KCNIP4: variants seen among roughly 807,000 people sequenced by gnomAD.
KCNIP4 encodes potassium voltage-gated channel interacting protein 4.
In KCNIP4, 12 loss-of-function variants were observed where a neutral mutation model predicts 34.0. That is an observed-to-expected ratio of 0.35 (90% CI 0.23 to 0.57). KCNIP4 has a LOEUF of 0.57. KCNIP4 is among the 20% of genes least tolerant of loss of function. KCNIP4 has a pLI of 0.83. For synonymous variants in KCNIP4, 124 were observed against 102.2 expected (o/e 1.21, Z -1.29); for missense variants, 238 against 311.7 (o/e 0.76, Z 1.78).
chr4:21,176,767 C>A lies in KCNIP4; in HGVS notation c.62-294058G>T, dbSNP rs370850121. ...AACTCCTGACCTTGGGTGACCCACC[C>A]ACCTCGGCCTCCCAAAGTGCTGGGA... On this transcript the variant is annotated intron_variant, in intron 1 of 8. Coordinates refer to ENST00000382152, the MANE Select transcript of KCNIP4 (RefSeq NM_025221.6). Among the ~76,000 whole-genome samples, 1,081 of 152,264 alleles carry A rather than the reference C, an allele frequency of 7.1e-3. 19 individuals carry two copies. The highest frequency in any genetic ancestry group is 0.025 in the African/African-American group (1,022 of 41,572).
intron 1 of KCNIP4, among the ~76,000 whole-genome samples, chr4:21,620,403 G>C (rs1349799270): frequency 6.6e-6 from 1 of 152,148 alleles, no homozygotes; most frequent in African/African-American, 2.4e-5. Context: ...TCAGGAGGCT[G>C]AGATGGAAGG....
intron 1 of KCNIP4, among the ~76,000 whole-genome samples, chr4:21,387,536 C>T (rs538198849): frequency 2.0e-5 from 3 of 152,214 alleles, no homozygotes; most frequent in African/African-American, 7.2e-5. Context: ...TTAAAGGGAA[C>T]AAGAATTAAA....
chr4:21,556,933 A>AAAAAAAAAAAAAAAAACAAC (rs1560514287), intron 1 of KCNIP4, among the ~76,000 whole-genome samples: 1 of 149,760 alleles, frequency 6.7e-6, no homozygotes, highest in Non-Finnish European at 1.5e-5. Flanking sequence ...AAAAAAAAAA[A>AAAAAAAAAAAAAAAAACAAC]AAAAAAAAAA....
chr4:21,542,657 G>A (rs945440083), intron 1 of KCNIP4, among the ~76,000 whole-genome samples: 6 of 150,942 alleles, frequency 4.0e-5, no homozygotes, highest in South Asian at 2.1e-4. Flanking sequence ...TACGAATTAC[G>A]TTGCATGAAG....
intron 1 of KCNIP4, among the ~76,000 whole-genome samples, chr4:21,563,831 T>C (rs358838): frequency 9.2e-5 from 14 of 152,054 alleles, no homozygotes; most frequent in African/African-American, 3.4e-4. Context: ...AAACATGTTT[T>C]AAGTAGGGGA....
At chr4:21,117,746 A>G (rs932808832) in intron 1 of KCNIP4, among the ~76,000 whole-genome samples, 18 of 152,012 alleles carry the variant, frequency 1.2e-4, no homozygotes, top group African/African-American at 3.6e-4. Flanking sequence ...ATGTCCTCCA[A>G]TTCCCTCAGC....
rs542710602 is a variant in KCNIP4 at position 21,133,546 on chromosome 4, G to A, written c.62-250837C>T. ...CTATTCTGCCCAGGCTCCAAGGTTAGGCAATTCAACTATCATCTCCCTGAA... is the reference window on the plus strand; with the variant it reads ...CTATTCTGCCCAGGCTCCAAGGTTAAGCAATTCAACTATCATCTCCCTGAA... On this transcript the variant is annotated intron_variant, in intron 1 of 8. Coordinates refer to ENST00000382152, the MANE Select transcript of KCNIP4 (RefSeq NM_025221.6). Among the ~76,000 whole-genome samples the A allele has an allele frequency of 6.6e-5, 10 of 152,202 alleles. 1 individual carries two copies. The highest frequency in any genetic ancestry group is 1.7e-4 in the African/African-American group (7 of 41,524).
intron 3 of KCNIP4, among the ~76,000 whole-genome samples, chr4:20,794,009 G>A (rs988634396): frequency 1.3e-5 from 2 of 152,146 alleles, no homozygotes; most frequent in African/African-American, 4.8e-5. Flanking sequence ...AGTCTCATGA[G>A]ATCTGATGGT....
At chr4:20,923,471 G>A (rs1025322755) in intron 1 of KCNIP4, among the ~76,000 whole-genome samples, 1 of 151,916 alleles carries the variant, frequency 6.6e-6, no homozygotes, top group African/African-American at 2.4e-5. Context: ...TTTCTTCATT[G>A]TACTCACCTA....
chr4:21,661,472 C>T (rs548980467), intron 1 of KCNIP4, among the ~76,000 whole-genome samples: 2 of 152,300 alleles, frequency 1.3e-5, no homozygotes, highest in African/African-American at 4.8e-5. Context: ...CCTGCACCTG[C>T]TCACTTGTGT....
intron 1 of KCNIP4, among the ~76,000 whole-genome samples, chr4:21,131,151 A>G (rs369903765): frequency 7.9e-4 from 120 of 152,298 alleles, no homozygotes; most frequent in African/African-American, 2.7e-3. Flanking sequence ...AGCAAAAGCA[A>G]TCATCAATGT....
rs184490486 is a variant in KCNIP4, at chr4:21,589,516, T to C, written c.61+359055A>G. On this transcript the variant is annotated intron_variant, in intron 1 of 8. Coordinates refer to ENST00000382152, the MANE Select transcript of KCNIP4 (RefSeq NM_025221.6). ...GGGGAAGCAAGAAATAAAATATTAATGCAAAAGGGTTGAATTGGATAAGCA... is the reference window on the plus strand; with the variant it reads ...GGGGAAGCAAGAAATAAAATATTAACGCAAAAGGGTTGAATTGGATAAGCA... Among the ~76,000 whole-genome samples, 699 of 151,400 alleles carry C rather than the reference T, an allele frequency of 4.6e-3. 3 individuals carry two copies. The highest frequency in any genetic ancestry group is 7.2e-3 in the Non-Finnish European group (486 of 67,706).
intron 1 of KCNIP4, among the ~76,000 whole-genome samples, chr4:21,361,854 TG>T (rs1327984222): frequency 5.3e-5 from 8 of 152,212 alleles, no homozygotes; most frequent in Admixed American, 2.0e-4. Context: ...AGTTCATATT[TG>T]TAACTAAAAT....
chr4:21,212,797 C>G (rs191555945), intron 1 of KCNIP4, among the ~76,000 whole-genome samples: 1 of 152,228 alleles, frequency 6.6e-6, no homozygotes, highest in South Asian at 2.1e-4. Flanking sequence ...CCCAAAGTCT[C>G]GACTCTTAAT....
intron 1 of KCNIP4, among the ~76,000 whole-genome samples, chr4:20,930,246 G>A (rs1730318347): frequency 6.6e-6 from 1 of 151,946 alleles, no homozygotes; most frequent in African/African-American, 2.4e-5. Context: ...GGTACCAACA[G>A]GACACCCTGA....
intron 1 of KCNIP4, among the ~76,000 whole-genome samples, chr4:21,009,909 G>A (rs1002811034): frequency 2.0e-5 from 3 of 152,112 alleles, no homozygotes; most frequent in Non-Finnish European, 4.4e-5. Flanking sequence ...TTCTTTGTCA[G>A]CTACATCTGC....
chr4:21,044,364 T>C (rs560290168), intron 1 of KCNIP4, among the ~76,000 whole-genome samples: 1 of 151,976 alleles, frequency 6.6e-6, no homozygotes, highest in East Asian at 1.9e-4. Flanking sequence ...CAGACTGGAG[T>C]GCAATGGCGT....
chr4:20,800,809 A>G (rs1714133412), intron 3 of KCNIP4, among the ~76,000 whole-genome samples: 1 of 152,202 alleles, frequency 6.6e-6, no homozygotes, highest in Non-Finnish European at 1.5e-5. Context: ...AAGCAAATAA[A>G]TATTTGCATT....
rs912920730 is a variant in KCNIP4, at chr4:21,199,561, T to C, written c.62-316852A>G. 1.1e-4 allele frequency among the ~76,000 whole-genome samples: 17 copies of C among 152,334 alleles called. 1 individual carries two copies. The highest frequency in any genetic ancestry group is 7.3e-5 in the Non-Finnish European group (5 of 68,038). ...GTAGTTTCTTTTGCTGTGCAGAAGC[T>C]CTTTAGTTTAATTAGATCCCATTTG... On this transcript the variant is annotated intron_variant, in intron 1 of 8. Transcript: ENST00000382152.
Sources: gnomAD v4.1 joint callset for allele counts (sites outside exome capture counted in the v4.1 genomes callset) on GRCh38, gnomAD v4.1.1 for gene constraint, MANE v1.5 for transcripts, NCBI Gene and HGNC (gene_info 2026-07-23, HGNC 2026-07-21) for gene names.